The following HS3ST5 variants were observed in gnomAD, a reference collection of about 807,000 sequenced individuals.
HS3ST5 encodes heparan sulfate glucosamine 3-O-sulfotransferase 5.
Under a neutral mutation model 25.4 loss-of-function variants are expected in HS3ST5, and 10 were observed. The observed-to-expected ratio is 0.39, with a 90% CI of 0.24 to 0.67. HS3ST5 has a LOEUF of 0.67. Among genes scored for constraint, HS3ST5 ranks in the 30% least tolerant of loss-of-function variants. The pLI, the probability that HS3ST5 is intolerant of heterozygous loss-of-function variation, is 0.44. For missense variants in HS3ST5, 324 were observed against 420.7 expected, an observed-to-expected ratio of 0.77 and a Z score of 2.01; for synonymous variants, 170 against 162.4, an observed-to-expected ratio of 1.05 and a Z score of -0.36.
intron 1 of HS3ST5, among the ~76,000 whole-genome samples, chr6:114,266,954 T>C (rs528474203): frequency 5.9e-5 from 9 of 152,338 alleles, no homozygotes; most frequent in Admixed American, 2.6e-4. Context: ...GTTGTTTTCA[T>C]GTCTGCAGAG....
chr6:114,218,537 A>G (rs1019184153), intron 2 of HS3ST5, among the ~76,000 whole-genome samples: 1 of 152,170 alleles, frequency 6.6e-6, no homozygotes, highest in Non-Finnish European at 1.5e-5. Context: ...AAAACTGAAA[A>G]ACTTAGTTGA....
At chr6:114,140,844 T>C (rs1408916868) in intron 3 of HS3ST5, among the ~76,000 whole-genome samples, 3 of 152,218 alleles carry the variant, frequency 2.0e-5, no homozygotes, top group Non-Finnish European at 4.4e-5. Context: ...GGCAGTTCTT[T>C]GCATTTACTA....
chr6:114,070,056 A>G (rs1298212415), intron 3 of HS3ST5, among the ~76,000 whole-genome samples: 2 of 152,122 alleles, frequency 1.3e-5, no homozygotes, highest in Non-Finnish European at 2.9e-5. Context: ...CAAGCAGTGT[A>G]CACTGTACCC....
rs768985651 is a variant in HS3ST5, at chr6:114,057,429, C to A, written c.869G>T (p.Arg290Ile). 1 of 1,614,204 alleles carries A rather than the reference C, an allele frequency of 6.2e-7. No individual in the cohort carries two copies. The highest frequency in any genetic ancestry group is 8.5e-7 in the Non-Finnish European group (1 of 1,180,042). Residue 290 changes from arginine to isoleucine, a missense_variant, in exon 5 of 5, where the codon AGA (arginine) becomes ATA (isoleucine). By Grantham distance (97) the Arg-to-Ile change is moderately conservative (BLOSUM62 -3). This residue lies in a region of HS3ST5 where 203 missense variants were observed against 303.4 expected (regional missense o/e 0.67). Transcript: ENST00000312719. ...ATTAAACCGCAAGCAGTAAAACCCT[C>A]TGGTAGCATTGAAGTATAAATTGTA... ...SQYNLYFNAT[R>I]GFYCLRFNII... is the part of the protein sequence containing the mutation.
chr6:114,063,720 A>G (rs1332482970), intron 3 of HS3ST5, among the ~76,000 whole-genome samples: 1 of 152,176 alleles, frequency 6.6e-6, no homozygotes, highest in African/African-American at 2.4e-5. Flanking sequence ...AGTGATACTT[A>G]CTGAAGTTAT....
intron 3 of HS3ST5, among the ~76,000 whole-genome samples, chr6:114,140,890 C>A (rs1777871361): frequency 6.6e-6 from 1 of 152,042 alleles, no homozygotes; most frequent in African/African-American, 2.4e-5. Context: ...TATTTTATTT[C>A]TTTCTGCTTC....
chr6:114,095,575 C>T (rs949747036), intron 3 of HS3ST5, among the ~76,000 whole-genome samples: 1 of 152,078 alleles, frequency 6.6e-6, no homozygotes, highest in African/African-American at 2.4e-5. Context: ...GCTGAGACTC[C>T]AGTTAATTCT....
At chr6:114,204,359 A>G (rs1473739484) in intron 2 of HS3ST5, among the ~76,000 whole-genome samples, 1 of 152,156 alleles carries the variant, frequency 6.6e-6, no homozygotes, top group Non-Finnish European at 1.5e-5. Flanking sequence ...TTATGAAATC[A>G]TCTTTTAAAG....
At chr6:114,107,610 A>G (rs920404028) in intron 3 of HS3ST5, among the ~76,000 whole-genome samples, 1 of 152,244 alleles carries the variant, frequency 6.6e-6, no homozygotes, top group Non-Finnish European at 1.5e-5. Flanking sequence ...ACATGATTAC[A>G]TAGAAAGACT....
chr6:114,242,874 A>G (rs1055698590), intron 1 of HS3ST5, among the ~76,000 whole-genome samples: 6 of 151,502 alleles, frequency 4.0e-5, no homozygotes, highest in African/African-American at 1.2e-4. Flanking sequence ...AAAAAAAAAA[A>G]AAGAAGAAGG....
chr6:114,266,172 T>G (rs968027501), intron 1 of HS3ST5, among the ~76,000 whole-genome samples: 2 of 152,200 alleles, frequency 1.3e-5, no homozygotes, highest in East Asian at 3.9e-4. Context: ...ATCCAAAAAT[T>G]TATTTAACTC....
At chr6:114,090,830 G>A (rs1775083217) in intron 3 of HS3ST5, among the ~76,000 whole-genome samples, 1 of 152,188 alleles carries the variant, frequency 6.6e-6, no homozygotes, top group African/African-American at 2.4e-5. Flanking sequence ...AACCTGGACG[G>A]TGACGTGAAT....
chr6:114,108,121 G>C (rs1290658155), intron 3 of HS3ST5, among the ~76,000 whole-genome samples: 1 of 152,166 alleles, frequency 6.6e-6, no homozygotes, highest in East Asian at 1.9e-4. Context: ...GTCCAGTCAA[G>C]AGAGGGAATC....
chr6:114,205,781 T>C (rs1022932884), intron 2 of HS3ST5, among the ~76,000 whole-genome samples: 16 of 152,144 alleles, frequency 1.1e-4, no homozygotes, highest in Admixed American at 3.3e-4. Flanking sequence ...AGGCATTAGA[T>C]TCTCATACAG....
intron 1 of HS3ST5, among the ~76,000 whole-genome samples, chr6:114,242,371 C>T (rs2114590267): frequency 6.6e-6 from 1 of 152,036 alleles, no homozygotes; most frequent in African/African-American, 2.4e-5. Context: ...TTCCATTAAA[C>T]AGCACTTGTG....
intron 1 of HS3ST5, among the ~76,000 whole-genome samples, chr6:114,274,998 A>G (rs1773788067): frequency 6.6e-6 from 1 of 151,780 alleles, no homozygotes; most frequent in African/African-American, 2.4e-5. Context: ...TGACTATACA[A>G]CTATGTATAC....
chr6:114,280,875 GAACT>G (rs1161040735), intron 1 of HS3ST5, among the ~76,000 whole-genome samples: 5 of 151,902 alleles, frequency 3.3e-5, no homozygotes, highest in African/African-American at 9.7e-5. Context: ...AATCATCATC[GAACT>G]AACATTGCAA....
At chr6:114,261,760 G>A (rs546829922) in intron 1 of HS3ST5, among the ~76,000 whole-genome samples, 2 of 152,230 alleles carry the variant, frequency 1.3e-5, no homozygotes, top group South Asian at 2.1e-4. Context: ...TTTTTGCAGT[G>A]CTTCAGAAGG....
At chr6:114,208,818 C>T (rs977053401) in intron 2 of HS3ST5, among the ~76,000 whole-genome samples, 7 of 152,098 alleles carry the variant, frequency 4.6e-5, no homozygotes, top group African/African-American at 1.7e-4. Flanking sequence ...AGTCTTTATA[C>T]AATTTTATGC....
Sources: allele counts gnomAD v4.1 joint callset (sites outside exome capture counted in the v4.1 genomes callset), GRCh38; gene constraint gnomAD v4.1.1; regional missense constraint gnomAD v4.1.1; transcripts MANE v1.5; gene names NCBI Gene and HGNC (gene_info 2026-07-23, HGNC 2026-07-21).